The following PCDH11Y variants were observed in gnomAD, a reference collection of about 807,000 sequenced individuals.
PCDH11Y encodes protocadherin 11 Y-linked, also known as protocadherin-11 Y-linked.
For missense variants in PCDH11Y, 12 were observed against 224.8 expected, an observed-to-expected ratio of 0.05 and a Z score of 6.05; for synonymous variants, 9 against 83.6, an observed-to-expected ratio of 0.11 and a Z score of 4.87.
chrY:5,588,431 T>G, intron 4 of PCDH11Y, among the ~76,000 whole-genome samples: 1 of 33,281 alleles, frequency 3.0e-5, no homozygotes, highest in Non-Finnish European at 7.5e-5. Context: ...GTCAGTTTTG[T>G]ACCTTTGTAT....
At chrY:5,553,592 G>A in intron 3 of PCDH11Y, among the ~76,000 whole-genome samples, 1 of 31,763 alleles carries the variant, frequency 3.1e-5, no homozygotes. Context: ...CCCATGCATT[G>A]TGGGAGGACC....
intron 1 of PCDH11Y, among the ~76,000 whole-genome samples, chrY:5,078,071 A>G: frequency 3.2e-5 from 1 of 31,481 alleles, no homozygotes; most frequent in Non-Finnish European, 7.7e-5. Context: ...CCCTGTGTCC[A>G]TGCGTTCTCG....
intron 1 of PCDH11Y, among the ~76,000 whole-genome samples, chrY:5,005,025 A>G: frequency 2.9e-5 from 1 of 34,120 alleles, no homozygotes; most frequent in Non-Finnish European, 7.3e-5. Flanking sequence ...GCTAGCCAAG[A>G]AATGTATCTG....
At chrY:5,029,922 CA>C (rs2052586779) in intron 1 of PCDH11Y, among the ~76,000 whole-genome samples, 4 of 5,219 alleles carry the variant, frequency 7.7e-4, no homozygotes, top group African/African-American at 2.4e-3. Context: ...GACTCTGTCT[CA>C]AAAAAAAAAA....
At chrY:5,232,046 T>C in intron 2 of PCDH11Y, among the ~76,000 whole-genome samples, 1 of 32,568 alleles carries the variant, frequency 3.1e-5, no homozygotes, top group Middle Eastern at 0.014. Flanking sequence ...TTCAGGGCAA[T>C]GGCCTCTCCT....
chrY:5,495,069 A>G, intron 2 of PCDH11Y, among the ~76,000 whole-genome samples: 1 of 32,477 alleles, frequency 3.1e-5, no homozygotes, highest in East Asian at 7.9e-4. Flanking sequence ...AAAAAAAACA[A>G]AAAAGAAAGA....
chrY:5,241,236 C>A (rs878934753), intron 2 of PCDH11Y, among the ~76,000 whole-genome samples: 1 of 32,407 alleles, frequency 3.1e-5, no homozygotes. Flanking sequence ...CTGAAGGGAA[C>A]GTTGTGGATG....
intron 2 of PCDH11Y, among the ~76,000 whole-genome samples, chrY:5,366,723 CTTTTTTTT>C (rs1462605081): frequency 1.1e-4 from 2 of 18,945 alleles, no homozygotes; most frequent in Non-Finnish European, 2.5e-4. Context: ...AAATTCTTTT[CTTTTTTTT>C]TTTTTTTTTT....
downstream of PCDH11Y, among the ~76,000 whole-genome samples, chrY:5,106,592 A>G (rs1183596890): frequency 3.5e-5 from 1 of 28,280 alleles, no homozygotes. Flanking sequence ...AATGACTGTG[A>G]GTATAACTAC....
chrY:5,089,379 T>C (rs2052736893), intron 1 of PCDH11Y, among the ~76,000 whole-genome samples: 1 of 32,798 alleles, frequency 3.0e-5, no homozygotes, highest in Non-Finnish European at 7.5e-5. Flanking sequence ...CAGCCCTGCC[T>C]GTGGAGGTTT....
intron 4 of PCDH11Y, among the ~76,000 whole-genome samples, chrY:5,730,230 A>G (rs2124715053): frequency 3.2e-5 from 1 of 31,744 alleles, no homozygotes; most frequent in African/African-American, 1.2e-4. Context: ...GGCCATTTTT[A>G]TATTTATTCT....
chrY:5,444,927 T>C (rs2053286140), intron 2 of PCDH11Y, among the ~76,000 whole-genome samples: 1 of 29,304 alleles, frequency 3.4e-5, no homozygotes, highest in African/African-American at 1.3e-4. Flanking sequence ...TTATCCTGAG[T>C]GAATGAAGCC....
intron 2 of PCDH11Y, among the ~76,000 whole-genome samples, chrY:5,412,502 T>G (rs2573974): frequency 1.7e-3 from 55 of 33,229 alleles, no homozygotes; most frequent in African/African-American, 5.9e-3. Flanking sequence ...GAGCATTATT[T>G]TCTTGTTCCA....
chrY:5,704,587 G>A, intron 4 of PCDH11Y, among the ~76,000 whole-genome samples: 2 of 30,196 alleles, frequency 6.6e-5, no homozygotes, highest in Admixed American at 3.0e-4. Context: ...CCACCACCAA[G>A]CCTAGCTAAT....
intron 3 of PCDH11Y, among the ~76,000 whole-genome samples, chrY:5,576,846 C>A (rs2124696998): frequency 3.1e-5 from 1 of 32,521 alleles, no homozygotes; most frequent in East Asian, 8.1e-4. Flanking sequence ...AATCTAAAAG[C>A]ACTGATCTGT....
At chrY:5,389,320 A>G in intron 2 of PCDH11Y, among the ~76,000 whole-genome samples, 1 of 33,699 alleles carries the variant, frequency 3.0e-5, no homozygotes, top group Non-Finnish European at 7.3e-5. Flanking sequence ...GGCAGGAATA[A>G]CATGTATTCA....
intron 2 of PCDH11Y, among the ~76,000 whole-genome samples, chrY:5,325,261 A>G: frequency 3.1e-5 from 1 of 32,666 alleles, no homozygotes; most frequent in Non-Finnish European, 7.5e-5. Flanking sequence ...TAAGAAAAAT[A>G]AAACAAAATA....
intron 2 of PCDH11Y, among the ~76,000 whole-genome samples, chrY:5,298,463 T>C (rs2053077764): frequency 3.0e-5 from 1 of 33,682 alleles, no homozygotes; most frequent in South Asian, 6.7e-4. Context: ...GAATCTGATT[T>C]AGACTCATCC....
At chrY:5,576,998 T>C (rs2053446787) in intron 3 of PCDH11Y, among the ~76,000 whole-genome samples, 1 of 33,166 alleles carries the variant, frequency 3.0e-5, no homozygotes, top group Non-Finnish European at 7.5e-5. Context: ...ATTCTAATTC[T>C]ACTTATGTCT....
Sources: gnomAD v4.1 joint callset for allele counts (sites outside exome capture counted in the v4.1 genomes callset) on GRCh38, gnomAD v4.1.1 for gene constraint, MANE v1.5 for transcripts, NCBI Gene and HGNC (gene_info 2026-07-23, HGNC 2026-07-21) for gene names.